Variants in ZNF106 observed in about 807,000 individuals in gnomAD.
ZNF106 encodes the protein SH3-domain binding protein 3.
In ZNF106, 67 loss-of-function variants were observed where a neutral mutation model predicts 195.1. The observed-to-expected ratio is 0.34, with a 90% CI of 0.28 to 0.42. The LOEUF (loss-of-function observed/expected upper bound fraction) is 0.42, where lower values mean the gene tolerates loss of function less well. Ranked by LOEUF, ZNF106 falls within the 10% of genes least tolerant of loss-of-function variation. The pLI is 1.00. For missense variants in ZNF106, 2,118 were observed against 2,304.5 expected (o/e 0.92, Z 1.66); for synonymous variants, 784 against 818.6 (o/e 0.96, Z 0.72).
At position 42,433,035 on chromosome 15, in the gene ZNF106, GCTTT is replaced by G. The variant is rs549489967; in HGVS notation, c.4881+2345_4881+2348del. Among the ~76,000 whole-genome samples the G allele has an allele frequency of 2.4e-3, 359 of 152,144 alleles. 1 individual carries two copies. The highest frequency in any genetic ancestry group is 8.3e-3 in the African/African-American group (344 of 41,528). ...AATTTAGGTCTCCAATTTGCTATTT[GCTTT>G]CTATTTGTCTCATTTTTATTCCTCT... On this transcript the variant is annotated intron_variant, in intron 14 of 21. Coordinates refer to ENST00000564754, the MANE Select transcript of ZNF106 (RefSeq NM_001366845.3).
intron 1 of ZNF106, among the ~76,000 whole-genome samples, chr15:42,487,630 A>G (rs934399304): frequency 1.3e-5 from 2 of 151,266 alleles, no homozygotes; most frequent in African/African-American, 4.9e-5. Context: ...ATTTTTTTGC[A>G]TGAAAATACA....
intron 3 of ZNF106, among the ~76,000 whole-genome samples, chr15:42,460,609 C>T (rs1595480456): frequency 1.3e-5 from 2 of 152,186 alleles, no homozygotes; most frequent in Admixed American, 1.3e-4. Context: ...GCCTGTAATC[C>T]CAGCACTTTG....
chr15:42,457,874 C>G (rs2056283464), intron 3 of ZNF106, among the ~76,000 whole-genome samples: 1 of 152,194 alleles, frequency 6.6e-6, no homozygotes, highest in African/African-American at 2.4e-5. Context: ...GATGCAAAAC[C>G]AGGTTTTTAG....
At chr15:42,466,160 G>GA (rs11411148) in intron 2 of ZNF106, 46 bp from the exon 3 acceptor site, 98,654 of 1,061,876 alleles carry the variant, frequency 0.093, 1,290 homozygotes, top group Admixed American at 0.22. Context: ...GGATTGCTTT[G>GA]AAAAAAAAAA....
At chr15:42,471,873 G>C (rs1413602451) in intron 2 of ZNF106, among the ~76,000 whole-genome samples, 1 of 152,164 alleles carries the variant, frequency 6.6e-6, no homozygotes, top group African/African-American at 2.4e-5. Flanking sequence ...TATATCCTTA[G>C]CTAATCAAAA....
At chr15:42,430,989 T>C (rs377395712) in intron 14 of ZNF106, among the ~76,000 whole-genome samples, 11 of 152,152 alleles carry the variant, frequency 7.2e-5, no homozygotes, top group South Asian at 6.2e-4. Context: ...TCTTTTCTAA[T>C]AGAAGCAATT....
At chr15:42,489,505 G>A (rs980788516) in intron 1 of ZNF106, among the ~76,000 whole-genome samples, 4 of 151,954 alleles carry the variant, frequency 2.6e-5, no homozygotes, top group Non-Finnish European at 5.9e-5. Context: ...AGTTCTCCTC[G>A]AAAACCATCT....
In ZNF106 at chr15:42,442,154, A is replaced by G; in HGVS notation, c.3682T>C (p.Ser1228Pro). 6.2e-7 allele frequency: 1 copy of G among 1,614,210 alleles called. No homozygotes were observed. ...SSVQIKQEPMSPEQDENVNAV... is the reference protein window; with the variant it reads ...SSVQIKQEPMPPEQDENVNAV... ...TTCACATTCTCATCTTGTTCAGGAG[A>G]CATGGGCTCTTGTTTAATCTGAACT... is the stretch of plus-strand genomic sequence containing the variant. Residue 1228 changes from serine (S) to proline (P), a missense_variant, in exon 10 of 22, where the codon TCT becomes CCT. Physicochemically the swap from Ser to Pro is moderately conservative, Grantham distance 74. Transcript: ENST00000564754.
At chr15:42,480,711 TTGGTGGCTCACGCC>T (rs1296207578) in intron 1 of ZNF106, among the ~76,000 whole-genome samples, 1 of 152,148 alleles carries the variant, frequency 6.6e-6, no homozygotes, top group Non-Finnish European at 1.5e-5. Context: ...CTGGCCGGGC[TTGGTGGCTCACGCC>T]TGAAATCCTA....
chr15:42,434,952 T>C (rs1261001636), intron 14 of ZNF106, among the ~76,000 whole-genome samples: 1 of 152,096 alleles, frequency 6.6e-6, no homozygotes, highest in Non-Finnish European at 1.5e-5. Flanking sequence ...TTTGTATTTT[T>C]AGTAGAGACA....
intron 3 of ZNF106, among the ~76,000 whole-genome samples, chr15:42,458,666 C>T (rs2056307575): frequency 6.6e-6 from 1 of 151,660 alleles, no homozygotes; most frequent in Non-Finnish European, 1.5e-5. Flanking sequence ...CGAGATTACA[C>T]CACTGCACTC....
intron 10 of ZNF106, among the ~76,000 whole-genome samples, chr15:42,441,249 G>A (rs958019146): frequency 2.0e-5 from 3 of 150,780 alleles, no homozygotes; most frequent in African/African-American, 7.3e-5. Flanking sequence ...AGGATGAGGT[G>A]GGAGGATCAA....
intron 20 of ZNF106, among the ~76,000 whole-genome samples, chr15:42,419,047 G>A (rs1301019110): frequency 7.0e-6 from 1 of 142,452 alleles, no homozygotes; most frequent in Non-Finnish European, 1.5e-5. Flanking sequence ...GCAACATAGT[G>A]AGACCCTTTC....
At chr15:42,423,536 C>T (rs2054744867) in intron 17 of ZNF106, among the ~76,000 whole-genome samples, 1 of 151,992 alleles carries the variant, frequency 6.6e-6, no homozygotes, top group Admixed American at 6.5e-5. Flanking sequence ...CTGCCATGCC[C>T]AGCTAATTAA....
At chr15:42,427,906 T>A (rs989671654) in intron 15 of ZNF106, 112 bp downstream of exon 15, 8 of 815,638 alleles carry the variant, frequency 9.8e-6, no homozygotes, top group Non-Finnish European at 1.4e-5. Context: ...CTAATTCTGC[T>A]GCTTCCTCAC....
At position 42,442,338 on chromosome 15, in the gene ZNF106, T is replaced by C. The variant is rs1425747642; in HGVS notation, c.3498A>G (p.Gln1166=). The C allele has an allele frequency of 2.5e-6, 4 of 1,614,172 alleles. No homozygotes were observed. Among genetic ancestry groups the C allele is most frequent in the Non-Finnish European group, 3.4e-6 (4 of 1,180,028 alleles). ...GCAGCAGTGCGGCATCAATGGATGTTTGAGATCTACTGTTCCTTCGTTCTC... is the reference window on the plus strand; with the variant it reads ...GCAGCAGTGCGGCATCAATGGATGTCTGAGATCTACTGTTCCTTCGTTCTC... ...LTRERRNSRS[Q]TSIDAALLPT... The change falls in exon 10 of 22, where the codon CAA becomes CAG. Residue 1166 remains glutamine (Q), a synonymous_variant. Coordinates refer to ENST00000564754, the MANE Select transcript of ZNF106 (RefSeq NM_001366845.3).
rs905736812 is a variant in ZNF106, at chr15:42,471,904, C to T, written c.54+332G>A. 3.9e-4 allele frequency among the ~76,000 whole-genome samples: 59 copies of T among 152,164 alleles called. 1 individual carries two copies. Among genetic ancestry groups the T allele is most frequent in the African/African-American group, 1.4e-3 (59 of 41,434 alleles). On this transcript the variant is annotated intron_variant, in intron 2 of 21. Coordinates refer to ENST00000564754, the MANE Select transcript of ZNF106 (RefSeq NM_001366845.3). The stretch of plus-strand genomic sequence containing the variant: ...CAAAAAGTACATGATTTTAAAATTA[C>T]AGAAAGCAGTATGACTTCAAATAAC...
At chr15:42,487,154 A>AAAAAT (rs902868933) in intron 1 of ZNF106, among the ~76,000 whole-genome samples, 4 of 151,940 alleles carry the variant, frequency 2.6e-5, no homozygotes, top group Non-Finnish European at 4.4e-5. Flanking sequence ...CCATCTTTAA[A>AAAAAT]AAAATAAAAT....
intron 14 of ZNF106, among the ~76,000 whole-genome samples, chr15:42,432,734 A>G (rs1448223983): frequency 6.6e-6 from 1 of 150,798 alleles, no homozygotes; most frequent in Non-Finnish European, 1.5e-5. Flanking sequence ...AAAAAATTTA[A>G]TTGGCAAACC....
Sources: allele counts gnomAD v4.1 joint callset (sites outside exome capture counted in the v4.1 genomes callset), GRCh38; gene constraint gnomAD v4.1.1; transcripts MANE v1.5; gene names NCBI Gene and HGNC (gene_info 2026-07-23, HGNC 2026-07-21).